Variants in TLN2 observed in about 807,000 individuals in gnomAD.
TLN2 encodes the protein talin 2.
A neutral mutation model predicts 294.7 loss-of-function variants in TLN2; 118 were observed. The ratio of observed to expected loss-of-function variants is 0.40; its 90% CI spans 0.34 to 0.47. The LOEUF is 0.47. Ranked by LOEUF, TLN2 falls within the 20% of genes least tolerant of loss-of-function variation. The pLI is 0.84. For missense variants in TLN2, 3,083 were observed against 3,282.2 expected, an observed-to-expected ratio of 0.94 and a Z score of 1.48; for synonymous variants, 1,431 against 1,304.5, an observed-to-expected ratio of 1.10 and a Z score of -2.09.
chr15:62,466,418 G>A (rs883976), intron 1 of TLN2, among the ~76,000 whole-genome samples: 11,526 of 152,258 alleles, frequency 0.076, 519 homozygotes, highest in Non-Finnish European at 0.09. Context: ...GTGCATCGTA[G>A]GGTGTTCAGC....
intron 37 of TLN2, among the ~76,000 whole-genome samples, chr15:62,761,124 C>A (rs1296327397): frequency 6.6e-6 from 1 of 152,130 alleles, no homozygotes; most frequent in Non-Finnish European, 1.5e-5. Context: ...CTCATCTATT[C>A]CTTCTCATTA....
chr15:62,400,220 A>G (rs117460467), intron 1 of TLN2, among the ~76,000 whole-genome samples: 1 of 152,252 alleles, frequency 6.6e-6, no homozygotes, highest in East Asian at 1.9e-4. Flanking sequence ...CATTATTGTA[A>G]GTTTCCTCAG....
At chr15:62,616,210 T>C (rs1169933519) in intron 2 of TLN2, among the ~76,000 whole-genome samples, 1 of 152,190 alleles carries the variant, frequency 6.6e-6, no homozygotes, top group Non-Finnish European at 1.5e-5. Flanking sequence ...CTTGCACTGT[T>C]TTTACTTAGA....
chr15:62,671,470 G>C (rs1269111954), intron 9 of TLN2, among the ~76,000 whole-genome samples: 1 of 152,144 alleles, frequency 6.6e-6, no homozygotes, highest in Non-Finnish European at 1.5e-5. Flanking sequence ...GTGTGAAGTA[G>C]GGGGTCCAAT....
intron 45 of TLN2, among the ~76,000 whole-genome samples, chr15:62,790,463 C>T (rs2065000487): frequency 6.6e-6 from 1 of 152,216 alleles, no homozygotes; most frequent in Non-Finnish European, 1.5e-5. Flanking sequence ...CAGGGACCAG[C>T]TGTGTGATCT....
chr15:62,558,108 C>T (rs1359552686), intron 1 of TLN2, among the ~76,000 whole-genome samples: 2 of 152,194 alleles, frequency 1.3e-5, no homozygotes, highest in African/African-American at 4.8e-5. Context: ...AATTTGAAAG[C>T]TATCATTGTA....
At chr15:62,735,092 A>G (rs950399567) in intron 28 of TLN2, among the ~76,000 whole-genome samples, 4 of 152,250 alleles carry the variant, frequency 2.6e-5, no homozygotes, top group Non-Finnish European at 5.9e-5. Flanking sequence ...AAAGAGCACT[A>G]TAAAGAATAT....
intron 3 of TLN2, among the ~76,000 whole-genome samples, chr15:62,618,934 T>G (rs2048537141): frequency 6.6e-6 from 1 of 152,258 alleles, no homozygotes; most frequent in Admixed American, 6.5e-5. Context: ...TCACACCATA[T>G]AAACTAGTTT....
chr15:62,588,121 C>G (rs924101221), intron 1 of TLN2, among the ~76,000 whole-genome samples: 7 of 152,086 alleles, frequency 4.6e-5, no homozygotes, highest in African/African-American at 1.7e-4. Context: ...ACCTCGTGAT[C>G]TGCCCGCCTT....
intron 12 of TLN2, 142 bp downstream of exon 12, chr15:62,686,938 A>T: frequency 8.4e-7 from 1 of 1,184,770 alleles, no homozygotes; most frequent in South Asian, 1.6e-5. Context: ...GTGCAAGCCC[A>T]TGGGCAGGGA....
chr15:62,676,645 C>T lies in TLN2; in HGVS notation c.957+1324C>T, dbSNP rs149772329. Among the ~76,000 whole-genome samples, 1,151 of 152,298 alleles carry T rather than the reference C, an allele frequency of 7.6e-3. 4 individuals are homozygous for T. Among genetic ancestry groups the T allele is most frequent in the South Asian group, 0.016 (77 of 4,810 alleles). Reference sequence around the variant, plus strand: ...CTTTTGTTTTTTGGAGACGGAGTCTCACTCTGTCGCCCAGGCCGGAGTGCA... The same window carrying T: ...CTTTTGTTTTTTGGAGACGGAGTCTTACTCTGTCGCCCAGGCCGGAGTGCA... On this transcript the variant is annotated intron_variant, in intron 11 of 58. Transcript: ENST00000636159.
At chr15:62,600,557 A>C (rs193106165) in intron 2 of TLN2, among the ~76,000 whole-genome samples, 1 of 152,330 alleles carries the variant, frequency 6.6e-6, no homozygotes, top group East Asian at 1.9e-4. Flanking sequence ...AGCCCAGGGC[A>C]CTATAAATTC....
intron 3 of TLN2, chr15:62,640,451 T>A (rs1221733072): frequency 2.3e-6 from 1 of 431,340 alleles, no homozygotes; most frequent in Non-Finnish European, 4.6e-6. Flanking sequence ...CCTGGCCCTC[T>A]GGTCTTGCCA....
At chr15:62,821,271 C>T (rs549220712) in intron 54 of TLN2, among the ~76,000 whole-genome samples, 1 of 152,248 alleles carries the variant, frequency 6.6e-6, no homozygotes, top group South Asian at 2.1e-4. Flanking sequence ...AAGCTAATAC[C>T]TCCTACCCCA....
chr15:62,796,158 G>A lies in TLN2; in HGVS notation c.5915G>A (p.Gly1972Glu). The A allele has an allele frequency of 6.2e-7, 1 of 1,614,226 alleles. No individual in the cohort carries two copies. Among genetic ancestry groups the A allele is most frequent in the Non-Finnish European group, 8.5e-7 (1 of 1,180,042 alleles). Residue 1972 changes from glycine (G) to glutamate (E), a missense_variant, in exon 47 of 59, where the codon GGG (glycine) becomes GAG (glutamate). Physicochemically the swap from Gly to Glu is moderately conservative, Grantham distance 98. Coordinates refer to ENST00000636159, the MANE Select transcript of TLN2 (RefSeq NM_015059.3). ...VSLVLSALQA[G>E]NKGTQACITA... ...TTGGTGCTCTCGGCTCTCCAGGCCGGGAACAAAGGAACCCAGGCATGCATT... is the reference window on the plus strand; with the variant it reads ...TTGGTGCTCTCGGCTCTCCAGGCCGAGAACAAAGGAACCCAGGCATGCATT...
intron 42 of TLN2, among the ~76,000 whole-genome samples, chr15:62,772,485 G>T (rs1244793547): frequency 6.6e-6 from 1 of 152,058 alleles, no homozygotes; most frequent in Non-Finnish European, 1.5e-5. Context: ...AGTCGTGCCA[G>T]CCCCCTTTGC....
At chr15:62,746,752 GA>G (rs1187040038) in intron 32 of TLN2, among the ~76,000 whole-genome samples, 1 of 152,202 alleles carries the variant, frequency 6.6e-6, no homozygotes, top group Non-Finnish European at 1.5e-5. Context: ...GTTAGAAACT[GA>G]GTCGAATTCT....
At chr15:62,819,690 A>C in intron 53 of TLN2, 69 bp downstream of exon 53, 1 of 1,414,570 alleles carries the variant, frequency 7.1e-7, no homozygotes. Context: ...CAGACTGAGC[A>C]GAGGAAAAGC....
rs1206669030 is a variant in TLN2 at position 62,455,318 on chromosome 15, CA to C, written c.-238+64634del. On this transcript the variant is annotated intron_variant, in intron 1 of 58. Coordinates refer to ENST00000636159, the MANE Select transcript of TLN2 (RefSeq NM_015059.3). ...ACTCAGGAAGGGGTTCCTGGAGGTG[CA>C]CTTCAGCCGCGCCTTCAGCAATCTG... Among the ~76,000 whole-genome samples the C allele has an allele frequency of 1.1e-4, 16 of 152,142 alleles. 1 individual carries two copies. Among genetic ancestry groups the C allele is most frequent in the African/African-American group, 3.6e-4 (15 of 41,498 alleles).
Sources: gnomAD v4.1 joint callset for allele counts (sites outside exome capture counted in the v4.1 genomes callset) on GRCh38, gnomAD v4.1.1 for gene constraint, MANE v1.5 for transcripts, NCBI Gene and HGNC (gene_info 2026-07-23, HGNC 2026-07-21) for gene names.